GABRG3: variants seen among roughly 807,000 people sequenced by gnomAD.
GABRG3 encodes gamma-aminobutyric acid receptor subunit gamma-3.
GABRG3 carries 25 observed loss-of-function variants against 48.8 expected under a neutral mutation model. The observed-to-expected ratio is 0.51, with a 90% CI of 0.37 to 0.72. The LOEUF (loss-of-function observed/expected upper bound fraction) is 0.72. GABRG3 is among the 30% of genes least tolerant of loss of function. GABRG3 has a pLI of 0.00. For missense variants in GABRG3, 394 were observed against 577.9 expected, an observed-to-expected ratio of 0.68 and a Z score of 3.26; for synonymous variants, 227 against 217.6, an observed-to-expected ratio of 1.04 and a Z score of -0.38.
At chr15:26,971,700 C>A in intron 1 of GABRG3, 112 bp downstream of exon 1, 1 of 1,242,028 alleles carries the variant, frequency 8.1e-7, no homozygotes, top group Non-Finnish European at 1.1e-6. Context: ...GGCTGCGGCA[C>A]GGCGGGCCGG....
intron 3 of GABRG3, among the ~76,000 whole-genome samples, chr15:27,164,303 C>T (rs1170885730): frequency 6.6e-6 from 1 of 152,218 alleles, no homozygotes; most frequent in African/African-American, 2.4e-5. Context: ...GAATATTTCA[C>T]ATGTACCACC....
intron 3 of GABRG3, among the ~76,000 whole-genome samples, chr15:27,288,301 GTA>G (rs1891684220): frequency 6.6e-6 from 1 of 151,986 alleles, no homozygotes; most frequent in Non-Finnish European, 1.5e-5. Flanking sequence ...CATTCATTGT[GTA>G]CTTTATTTCT....
At chr15:27,331,332 A>G (rs1369151796) in intron 5 of GABRG3, among the ~76,000 whole-genome samples, 1 of 152,248 alleles carries the variant, frequency 6.6e-6, no homozygotes, top group Admixed American at 6.5e-5. Flanking sequence ...AAAATTTGGA[A>G]GCAACCAAGA....
intron 5 of GABRG3, among the ~76,000 whole-genome samples, chr15:27,419,962 A>T (rs114580948): frequency 0.012 from 1,884 of 152,176 alleles, 39 homozygotes; most frequent in African/African-American, 0.042. Flanking sequence ...TTGATTTTTT[A>T]AAAAAAATCA....
intron 5 of GABRG3, among the ~76,000 whole-genome samples, chr15:27,344,724 TTTA>T (rs1894308239): frequency 6.6e-6 from 1 of 150,468 alleles, no homozygotes; most frequent in African/African-American, 2.5e-5. Flanking sequence ...ATTTTTTTAA[TTTA>T]AATTTTAGTC....
At chr15:27,482,972 T>G (rs1231375883) in intron 6 of GABRG3, 1 of 152,268 alleles carries the variant, frequency 6.6e-6, no homozygotes, top group Non-Finnish European at 1.5e-5. Flanking sequence ...GGACCCATTT[T>G]TCTCTATTGG....
At chr15:27,160,830 A>G (rs888630676) in intron 3 of GABRG3, among the ~76,000 whole-genome samples, 1 of 152,092 alleles carries the variant, frequency 6.6e-6, no homozygotes, top group Non-Finnish European at 1.5e-5. Context: ...GAAGTTCTCT[A>G]TGGGCCTCAT....
intron 3 of GABRG3, among the ~76,000 whole-genome samples, chr15:27,210,210 A>G (rs1179433138): frequency 6.6e-6 from 1 of 152,144 alleles, no homozygotes; most frequent in Non-Finnish European, 1.5e-5. Flanking sequence ...ACCTCAGAGA[A>G]AAGGGCCCCC....
chr15:27,451,733 A>G (rs942425048), intron 5 of GABRG3, among the ~76,000 whole-genome samples: 1 of 152,196 alleles, frequency 6.6e-6, no homozygotes, highest in Admixed American at 6.6e-5. Context: ...GAAACAATCA[A>G]CAAAGTCAAA....
rs550143577 is a variant in GABRG3 at position 27,475,044 on chromosome 15, C to T, written c.575-5606C>T. 7.2e-4 allele frequency among the ~76,000 whole-genome samples: 110 copies of T among 152,160 alleles called. 1 individual carries two copies. The highest frequency in any genetic ancestry group is 2.4e-3 in the African/African-American group (100 of 41,546). On this transcript the variant is annotated intron_variant, in intron 5 of 9. Transcript: ENST00000615808. ...ACTCAGGAGGCTGAGGCAGGAGAATCGCTTGAACCTGGAAGGTGGAGGTTG... is the reference window on the plus strand; with the variant it reads ...ACTCAGGAGGCTGAGGCAGGAGAATTGCTTGAACCTGGAAGGTGGAGGTTG...
chr15:27,281,892 C>T (rs1198472160), intron 3 of GABRG3, among the ~76,000 whole-genome samples: 2 of 151,972 alleles, frequency 1.3e-5, no homozygotes, highest in African/African-American at 2.4e-5. Flanking sequence ...TATTCCCTTT[C>T]TGTTTGATAA....
At position 27,013,982 on chromosome 15, in the gene GABRG3, A is replaced by G. The variant is rs568616851; in HGVS notation, c.203-12772A>G. Among the ~76,000 whole-genome samples the G allele has an allele frequency of 4.5e-4, 69 of 152,188 alleles. 4 individuals are homozygous for G. In the South Asian group the frequency reaches 0.014, roughly 30 times the overall value. ...CATCTTAACAATATTAGGCCTTCCA[A>G]TCTGTGAAAGCAAGATGTCTTTTTA... On this transcript the variant is annotated intron_variant, in intron 2 of 9. Transcript: ENST00000615808.
At chr15:27,188,836 T>C (rs1888192904) in intron 3 of GABRG3, among the ~76,000 whole-genome samples, 1 of 152,038 alleles carries the variant, frequency 6.6e-6, no homozygotes, top group Non-Finnish European at 1.5e-5. Context: ...GCCTAGGTTT[T>C]CTTCTAGGGT....
intron 3 of GABRG3, among the ~76,000 whole-genome samples, chr15:27,187,126 A>G (rs1888122997): frequency 6.6e-6 from 1 of 152,130 alleles, no homozygotes; most frequent in Non-Finnish European, 1.5e-5. Flanking sequence ...TCTAGTTTCA[A>G]TCTGCTGCAT....
intron 3 of GABRG3, among the ~76,000 whole-genome samples, chr15:27,231,048 TGA>T (rs1566973249): frequency 2.0e-5 from 3 of 150,038 alleles, no homozygotes. Context: ...TGTGTGTGTG[TGA>T]TTTCTTCCTA....
intron 3 of GABRG3, among the ~76,000 whole-genome samples, chr15:27,149,808 C>T (rs1419212373): frequency 1.3e-5 from 2 of 152,138 alleles, no homozygotes; most frequent in Non-Finnish European, 2.9e-5. Context: ...GTCTGGCTTC[C>T]CTCTAGGCTT....
chr15:27,470,643 A>G (rs1415632627), intron 5 of GABRG3, among the ~76,000 whole-genome samples: 3 of 150,770 alleles, frequency 2.0e-5, no homozygotes, highest in Admixed American at 6.6e-5. Context: ...TCTTGTGCCT[A>G]TAAATCATTC....
At chr15:27,402,169 A>G (rs61012831) in intron 5 of GABRG3, among the ~76,000 whole-genome samples, 9,747 of 152,178 alleles carry the variant, frequency 0.064, 1,032 homozygotes, top group African/African-American at 0.22. Context: ...CCCTCTTCCA[A>G]TCTACTTACA....
At position 27,482,947 on chromosome 15, in the gene GABRG3, T is replaced by C. The variant is rs547525057; in HGVS notation, c.712+2160T>C. The C allele has an allele frequency of 3.9e-5, 6 of 152,378 alleles. No individual in the cohort carries two copies. In the East Asian group the frequency reaches 1.2e-3, roughly 29 times the overall value. The allele number at this position is 152,378 out of a possible 1,614,324, so 9.4% of individuals were successfully genotyped here. A position where few individuals can be genotyped will look rare whatever the true frequency, so the allele number is the denominator to read the frequency against. On this transcript the variant is annotated intron_variant, in intron 6 of 9. Coordinates refer to ENST00000615808, the MANE Select transcript of GABRG3 (RefSeq NM_033223.5). Reference sequence around the variant, plus strand: ...TGCTTTGGGCACAGCCCTAAACAGCTGCATTTATTTGACTGGACCCATTTT... The same window carrying C: ...TGCTTTGGGCACAGCCCTAAACAGCCGCATTTATTTGACTGGACCCATTTT...
Sources: gnomAD v4.1 joint callset for allele counts (sites outside exome capture counted in the v4.1 genomes callset) on GRCh38, gnomAD v4.1.1 for gene constraint, MANE v1.5 for transcripts, NCBI Gene and HGNC (gene_info 2026-07-23, HGNC 2026-07-21) for gene names.